DLGAP2: variants seen among roughly 807,000 people sequenced by gnomAD.
DLGAP2 encodes disks large-associated protein 2.
A neutral mutation model predicts 100.3 loss-of-function variants in DLGAP2; 26 were observed. That is an observed-to-expected ratio of 0.26 (90% CI 0.19 to 0.36). DLGAP2 has a LOEUF of 0.36. DLGAP2 is among the 10% of genes least tolerant of loss of function. The pLI is 1.00. For synonymous variants in DLGAP2, 886 were observed against 630.1 expected, an observed-to-expected ratio of 1.41 and a Z score of -6.08; for missense variants, 1,858 against 1,453.2, an observed-to-expected ratio of 1.28 and a Z score of -4.53.
chr8:1,088,157 C>G (rs571452126), intron 2 of DLGAP2, among the ~76,000 whole-genome samples: 86 of 152,374 alleles, frequency 5.6e-4, no homozygotes, highest in Non-Finnish European at 9.3e-4. Context: ...GGTCCACCTT[C>G]CAGACGACTT....
At chr8:1,310,833 A>T (rs1014632152) in intron 3 of DLGAP2, among the ~76,000 whole-genome samples, 1 of 152,096 alleles carries the variant, frequency 6.6e-6, no homozygotes. Context: ...AATTTTTGTC[A>T]AAGTAACATT....
rs547786507 is a variant in DLGAP2 at position 1,420,175 on chromosome 8, T to C, written c.107-81191T>C. 1.0e-3 allele frequency among the ~76,000 whole-genome samples: 158 copies of C among 152,302 alleles called. 1 individual carries two copies. The highest frequency in any genetic ancestry group is 3.6e-3 in the African/African-American group (150 of 41,574). ...ATCACAAGGCTAGTTCCCTGAGGAC[T>C]GCCTTATCCTGAGGCTCTCCAGGGT... On this transcript the variant is annotated intron_variant, in intron 3 of 14. Coordinates refer to ENST00000637795, the MANE Select transcript of DLGAP2 (RefSeq NM_001346810.2).
chr8:1,261,934 G>C (rs1183073813), intron 3 of DLGAP2, among the ~76,000 whole-genome samples: 1 of 152,160 alleles, frequency 6.6e-6, no homozygotes, highest in Non-Finnish European at 1.5e-5. Flanking sequence ...TGTGCGGCTC[G>C]GATGTGGGTG....
chr8:1,415,357 G>T (rs1315275915), intron 3 of DLGAP2, among the ~76,000 whole-genome samples: 2 of 152,042 alleles, frequency 1.3e-5, no homozygotes, highest in Non-Finnish European at 2.9e-5. Context: ...TGGCAAGTTT[G>T]TTACATGGAT....
intron 2 of DLGAP2, among the ~76,000 whole-genome samples, chr8:1,117,755 G>A (rs80036393): frequency 0.068 from 10,356 of 152,210 alleles, 453 homozygotes; most frequent in East Asian, 0.22. Flanking sequence ...CCCCCAGGGG[G>A]CTCCCCCAGG....
chr8:825,889 G>A (rs1796677071), intron 1 of DLGAP2, among the ~76,000 whole-genome samples: 1 of 152,146 alleles, frequency 6.6e-6, no homozygotes, highest in South Asian at 2.1e-4. Context: ...CATACAAGAA[G>A]TTGTTGACTG....
chr8:1,423,667 C>T (rs979811791), intron 3 of DLGAP2, among the ~76,000 whole-genome samples: 4 of 152,186 alleles, frequency 2.6e-5, no homozygotes, highest in Non-Finnish European at 4.4e-5. Flanking sequence ...TTGCTCTGTG[C>T]GTTGAGAGCC....
intron 8 of DLGAP2, among the ~76,000 whole-genome samples, chr8:1,656,781 C>T (rs1429029064): frequency 6.6e-6 from 1 of 152,132 alleles, no homozygotes; most frequent in African/African-American, 2.4e-5. Flanking sequence ...TGTGATTAAC[C>T]TTTTCTTCGT....
At chr8:902,435 G>C (rs1444546807) in intron 1 of DLGAP2, among the ~76,000 whole-genome samples, 2 of 149,704 alleles carry the variant, frequency 1.3e-5, no homozygotes, top group Non-Finnish European at 3.0e-5. Flanking sequence ...GGTGGAGAGT[G>C]GGGGGTCCAG....
intron 2 of DLGAP2, among the ~76,000 whole-genome samples, chr8:952,121 T>C (rs577225232): frequency 6.6e-6 from 1 of 152,222 alleles, no homozygotes; most frequent in Admixed American, 6.5e-5. Flanking sequence ...AGTGCAGGCC[T>C]CCTGCCCAGC....
At chr8:1,110,965 T>A (rs577378093) in intron 2 of DLGAP2, among the ~76,000 whole-genome samples, 4 of 152,124 alleles carry the variant, frequency 2.6e-5, no homozygotes, top group Admixed American at 6.5e-5. Context: ...GCTGGGTAAG[T>A]CAGATGCATC....
At chr8:1,046,721 A>G (rs566118947) in intron 2 of DLGAP2, among the ~76,000 whole-genome samples, 1 of 152,346 alleles carries the variant, frequency 6.6e-6, no homozygotes, top group African/African-American at 2.4e-5. Context: ...AAGTTGTTTT[A>G]CAAATGCAAA....
At chr8:1,578,112 TTC>T (rs1260819614) in intron 6 of DLGAP2, among the ~76,000 whole-genome samples, 1 of 152,234 alleles carries the variant, frequency 6.6e-6, no homozygotes, top group Non-Finnish European at 1.5e-5. Context: ...CTGAGTGTTT[TTC>T]TCTTTTTTGC....
chr8:967,506 C>A (rs1270041610), intron 2 of DLGAP2, among the ~76,000 whole-genome samples: 2 of 151,556 alleles, frequency 1.3e-5, no homozygotes, highest in Non-Finnish European at 2.9e-5. Context: ...TATTCGTGTT[C>A]AATAGTTGTA....
At chr8:1,085,554 C>T (rs560599554) in intron 2 of DLGAP2, among the ~76,000 whole-genome samples, 26 of 152,114 alleles carry the variant, frequency 1.7e-4, no homozygotes, top group Admixed American at 2.6e-4. Context: ...GTATTCTCAG[C>T]GCCTTTATTG....
intron 4 of DLGAP2, among the ~76,000 whole-genome samples, chr8:1,502,527 G>C (rs1238225823): frequency 6.6e-6 from 1 of 152,116 alleles, no homozygotes; most frequent in Non-Finnish European, 1.5e-5. Flanking sequence ...TCCTAGATTT[G>C]TTGCTAACTG....
intron 2 of DLGAP2, among the ~76,000 whole-genome samples, chr8:1,217,666 T>G (rs1018422917): frequency 4.6e-5 from 7 of 152,166 alleles, no homozygotes; most frequent in African/African-American, 1.7e-4. Context: ...CCTGGTTAGC[T>G]ATATTCCAAG....
At chr8:1,203,583 C>T (rs773029112) in intron 2 of DLGAP2, among the ~76,000 whole-genome samples, 54 of 152,284 alleles carry the variant, frequency 3.5e-4, no homozygotes, top group Non-Finnish European at 6.6e-4. Context: ...TCTACTCTTC[C>T]CTTTAAGTTT....
In DLGAP2 at chr8:1,702,151, G is replaced by A. The variant is rs1264832897; in HGVS notation, c.*745G>A. 1 of 152,238 alleles carries A rather than the reference G, an allele frequency of 6.6e-6. No individual in the cohort carries two copies. Among genetic ancestry groups the A allele is most frequent in the Admixed American group, 6.5e-5 (1 of 15,290 alleles). 9.4% of individuals were successfully genotyped at this position (152,238 alleles called of 1,614,324 possible). ...TTCCCACCAGGAAGTCACGCGCAGA[G>A]AGGAGAGTCTTACGGAGGGCTGGGA... On this transcript the variant is annotated 3_prime_UTR_variant, in exon 15 of 15. Coordinates refer to ENST00000637795, the MANE Select transcript of DLGAP2 (RefSeq NM_001346810.2).
Sources: gnomAD v4.1 joint callset for allele counts (sites outside exome capture counted in the v4.1 genomes callset) on GRCh38, gnomAD v4.1.1 for gene constraint, MANE v1.5 for transcripts, NCBI Gene and HGNC (gene_info 2026-07-23, HGNC 2026-07-21) for gene names.